CTXND2: variants seen among roughly 807,000 people sequenced by gnomAD.
The protein encoded by CTXND2 is cortexin domain containing 2.
intron 1 of CTXND2, among the ~76,000 whole-genome samples, chr1:150,906,301 A>AAAC (rs962344799): frequency 6.6e-5 from 10 of 152,160 alleles, no homozygotes; most frequent in South Asian, 4.1e-4. Flanking sequence ...CCTACCTCAA[A>AAAC]AACAACAACA....
intron 1 of CTXND2, among the ~76,000 whole-genome samples, chr1:150,900,037 G>A (rs901399137): frequency 1.3e-5 from 2 of 152,116 alleles, no homozygotes; most frequent in African/African-American, 4.8e-5. Context: ...AGCAGGACAC[G>A]GGCAGGGCCA....
chr1:150,903,343 A>G (rs966805314), intron 1 of CTXND2, among the ~76,000 whole-genome samples: 13 of 152,098 alleles, frequency 8.5e-5, no homozygotes, highest in Non-Finnish European at 1.6e-4. Context: ...CCACCCCTGC[A>G]GTCCTCTTAA....
chr1:150,900,917 C>G (rs1669011032), intron 1 of CTXND2, among the ~76,000 whole-genome samples: 1 of 152,122 alleles, frequency 6.6e-6, no homozygotes, highest in African/African-American at 2.4e-5. Flanking sequence ...GAGTTCGAGA[C>G]CAGCTTGGGC....
intron 1 of CTXND2, among the ~76,000 whole-genome samples, chr1:150,908,639 T>C (rs1669194974): frequency 6.6e-6 from 1 of 152,084 alleles, no homozygotes; most frequent in Non-Finnish European, 1.5e-5. Context: ...GTTGTAACTT[T>C]GGTTATCAGG....
intron 1 of CTXND2, among the ~76,000 whole-genome samples, chr1:150,910,794 G>C (rs1007621635): frequency 6.6e-6 from 1 of 151,558 alleles, no homozygotes; most frequent in Non-Finnish European, 1.5e-5. Context: ...ACCATGCCTG[G>C]CTAATTTTTG....
intron 1 of CTXND2, among the ~76,000 whole-genome samples, chr1:150,894,507 C>A (rs1668889569): frequency 6.6e-6 from 1 of 152,076 alleles, no homozygotes; most frequent in Non-Finnish European, 1.5e-5. Context: ...ATATCTATTT[C>A]TCTCTAGAGT....
intron 1 of CTXND2, among the ~76,000 whole-genome samples, chr1:150,894,905 C>T (rs752311323): frequency 5.3e-5 from 8 of 151,870 alleles, no homozygotes; most frequent in Non-Finnish European, 1.0e-4. Flanking sequence ...TGTGGTGGCG[C>T]GTGCCTGTAG....
chr1:150,901,935 A>T (rs1435233961), intron 1 of CTXND2, among the ~76,000 whole-genome samples: 2 of 151,784 alleles, frequency 1.3e-5, no homozygotes, highest in Admixed American at 6.6e-5. Context: ...AAAAAAAAAA[A>T]AATAAATTCA....
At chr1:150,893,919 C>T (rs916221266) in intron 1 of CTXND2, among the ~76,000 whole-genome samples, 2 of 151,990 alleles carry the variant, frequency 1.3e-5, no homozygotes, top group East Asian at 3.9e-4. Context: ...GTTAAAGGAG[C>T]TCCTTTCTAT....
chr1:150,888,209 T>C lies in CTXND2; in HGVS notation c.-74+896T>C, dbSNP rs1005600869. The stretch of plus-strand genomic sequence containing the variant: ...TTTTCCCCCCATTTTGAAAACATTT[T>C]ACCTAATTTATTTTTTTTTTTTTTG... On this transcript the variant is annotated intron_variant, in intron 1 of 1. Transcript: ENST00000636087. Among the ~76,000 whole-genome samples, 5 of 145,654 alleles carry C rather than the reference T, an allele frequency of 3.4e-5. No homozygotes were observed. The East Asian group carries it at 1.0e-3, about 30-fold the overall frequency.
intron 1 of CTXND2, among the ~76,000 whole-genome samples, chr1:150,909,057 T>G (rs1669201975): frequency 6.6e-6 from 1 of 151,362 alleles, no homozygotes; most frequent in African/African-American, 2.4e-5. Context: ...CTGGCCAACA[T>G]GGTGAAACCC....
intron 1 of CTXND2, among the ~76,000 whole-genome samples, chr1:150,889,336 C>G (rs1450533225): frequency 2.7e-5 from 4 of 147,770 alleles, no homozygotes; most frequent in Non-Finnish European, 1.5e-5. Flanking sequence ...GGAGACAGAG[C>G]TTGCAGTGAG....
chr1:150,900,730 T>C (rs587766288), intron 1 of CTXND2, among the ~76,000 whole-genome samples: 189 of 152,182 alleles, frequency 1.2e-3, no homozygotes, highest in African/African-American at 4.4e-3. Context: ...ATATCCCTAG[T>C]GTATAAACAA....
At chr1:150,898,556 G>C (rs1168625851) in intron 1 of CTXND2, among the ~76,000 whole-genome samples, 2 of 151,968 alleles carry the variant, frequency 1.3e-5, no homozygotes, top group Non-Finnish European at 2.9e-5. Context: ...AAGAGATGGA[G>C]ACCATCCTGG....
At chr1:150,907,477 T>C (rs1218370970) in intron 1 of CTXND2, among the ~76,000 whole-genome samples, 9 of 152,220 alleles carry the variant, frequency 5.9e-5, no homozygotes, top group Non-Finnish European at 1.5e-5. Flanking sequence ...TTAAGTTTCA[T>C]CCAAGTAGTA....
At chr1:150,912,777 G>A (rs1669277510) in exon 2 of CTXND2, 2 of 229,298 alleles carry the variant, frequency 8.7e-6, no homozygotes, top group Non-Finnish European at 1.7e-5. Flanking sequence ...ATGTCATCAT[G>A]CTTGGTAAGG....
chr1:150,888,339 G>A lies in CTXND2; in HGVS notation c.-74+1026G>A, dbSNP rs587640445. Among the ~76,000 whole-genome samples the A allele has an allele frequency of 8.0e-5, 12 of 150,748 alleles. No individual in the cohort carries two copies. In the East Asian group the frequency reaches 9.8e-4, roughly 12 times the overall value. ...AGCAATTCTCCTGCCTCAGCCTCCCGAGTAGCTGGGACTACAGGCGTGCAC... is the reference window on the plus strand; with the variant it reads ...AGCAATTCTCCTGCCTCAGCCTCCCAAGTAGCTGGGACTACAGGCGTGCAC... On this transcript the variant is annotated intron_variant, in intron 1 of 1. Coordinates refer to ENST00000636087, the Ensembl canonical transcript of CTXND2.
intron 1 of CTXND2, among the ~76,000 whole-genome samples, chr1:150,898,410 C>T (rs587621020): frequency 5.6e-4 from 85 of 152,134 alleles, no homozygotes; most frequent in South Asian, 3.5e-3. Flanking sequence ...TTTTATATGA[C>T]CTCAGACTGG....
At position 150,895,226 on chromosome 1, in the gene CTXND2, T is replaced by A. The variant is rs184836156; in HGVS notation, c.-74+7913T>A. Among the ~76,000 whole-genome samples the A allele has an allele frequency of 8.3e-3, 1,264 of 152,200 alleles. 16 individuals carry two copies. Among genetic ancestry groups the A allele is most frequent in the African/African-American group, 0.029 (1,200 of 41,540 alleles). On this transcript the variant is annotated intron_variant, in intron 1 of 1. Coordinates refer to ENST00000636087, the Ensembl canonical transcript of CTXND2. ...TGTCTTTAAATTTTAGGTGAATTTT[T>A]AAAAAATAGACTATAGCTAGATTGG...
Sources: allele counts gnomAD v4.1 joint callset (sites outside exome capture counted in the v4.1 genomes callset), GRCh38; gene constraint gnomAD v4.1.1; transcripts MANE v1.5; gene names NCBI Gene and HGNC (gene_info 2026-07-23, HGNC 2026-07-21).